The following EDIL3 variants were observed in gnomAD, a reference collection of about 807,000 sequenced individuals.
EDIL3 encodes the protein EGF like and discoidin domains 3.
EDIL3 carries 37 observed loss-of-function variants against 67.4 expected under a neutral mutation model. The observed-to-expected ratio is 0.55, with a 90% CI of 0.42 to 0.72. The LOEUF (loss-of-function observed/expected upper bound fraction) is 0.72, where lower values mean the gene tolerates loss of function less well. EDIL3 is among the 30% of genes least tolerant of loss of function. The probability of loss-of-function intolerance (pLI) is 0.00; values close to 1 mark genes in which losing one functional copy is unlikely to be tolerated. For missense variants in EDIL3, 527 were observed against 586.3 expected (o/e 0.90, Z 1.04); for synonymous variants, 195 against 196.3 (o/e 0.99, Z 0.05).
intron 1 of EDIL3, among the ~76,000 whole-genome samples, chr5:84,383,673 G>T (rs991989549): frequency 2.6e-5 from 4 of 152,166 alleles, no homozygotes; most frequent in African/African-American, 9.7e-5. Flanking sequence ...AGGAGAGGCG[G>T]GTTCCTGGGG....
intron 9 of EDIL3, among the ~76,000 whole-genome samples, chr5:84,019,433 A>G (rs1268527911): frequency 6.6e-6 from 1 of 152,254 alleles, no homozygotes; most frequent in Non-Finnish European, 1.5e-5. Flanking sequence ...TAGGAGATAT[A>G]TCTAATGCTA....
chr5:84,087,849 T>C (rs1376718782), intron 6 of EDIL3, among the ~76,000 whole-genome samples: 5 of 152,112 alleles, frequency 3.3e-5, no homozygotes, highest in Non-Finnish European at 7.3e-5. Context: ...TATACAGCAA[T>C]TGGCACATGG....
intron 10 of EDIL3, among the ~76,000 whole-genome samples, chr5:83,946,335 C>G (rs1284535996): frequency 6.6e-6 from 1 of 151,908 alleles, no homozygotes; most frequent in Non-Finnish European, 1.5e-5. Context: ...TATATTCAAA[C>G]ATGATATTGC....
At chr5:84,336,652 A>C (rs919372073) in intron 1 of EDIL3, among the ~76,000 whole-genome samples, 6 of 152,148 alleles carry the variant, frequency 3.9e-5, no homozygotes, top group African/African-American at 1.4e-4. Flanking sequence ...GTAATCCATA[A>C]TGAATTCAGG....
At chr5:84,289,287 GTGTT>G (rs1321488127) in intron 1 of EDIL3, among the ~76,000 whole-genome samples, 5 of 152,106 alleles carry the variant, frequency 3.3e-5, no homozygotes, top group East Asian at 1.9e-4. Flanking sequence ...AACAATAAGA[GTGTT>G]TGTTTAACTT....
At chr5:84,315,571 T>C (rs193076094) in intron 1 of EDIL3, among the ~76,000 whole-genome samples, 1 of 152,316 alleles carries the variant, frequency 6.6e-6, no homozygotes, top group African/African-American at 2.4e-5. Context: ...TAAAGGAATT[T>C]AATGTAATTA....
intron 1 of EDIL3, among the ~76,000 whole-genome samples, chr5:84,350,276 T>C (rs1332116400): frequency 6.6e-6 from 1 of 152,068 alleles, no homozygotes; most frequent in Non-Finnish European, 1.5e-5. Flanking sequence ...AACATTAATA[T>C]TTATTATGAA....
intron 1 of EDIL3, among the ~76,000 whole-genome samples, chr5:84,291,738 C>CTATT (rs1745925510): frequency 6.9e-6 from 1 of 144,246 alleles, no homozygotes. Context: ...ATAGATCTAT[C>CTATT]TATATAGATA....
At chr5:84,014,541 A>C (rs1745567070) in intron 9 of EDIL3, among the ~76,000 whole-genome samples, 1 of 152,152 alleles carries the variant, frequency 6.6e-6, no homozygotes, top group South Asian at 2.1e-4. Flanking sequence ...GCTACTTGGG[A>C]GGCTGAGGCA....
chr5:84,050,828 G>A (rs974798208), intron 9 of EDIL3, among the ~76,000 whole-genome samples: 1 of 152,172 alleles, frequency 6.6e-6, no homozygotes, highest in Admixed American at 6.5e-5. Context: ...GCTTGAACTG[G>A]GTGAAGCCCA....
intron 2 of EDIL3, among the ~76,000 whole-genome samples, chr5:84,243,071 A>ACG (rs765550964): frequency 1.3e-5 from 2 of 151,374 alleles, no homozygotes; most frequent in Non-Finnish European, 1.5e-5. Flanking sequence ...AGGTTATTTT[A>ACG]TGTGTGTGTG....
At chr5:84,281,871 T>C (rs1745710215) in intron 1 of EDIL3, among the ~76,000 whole-genome samples, 2 of 142,016 alleles carry the variant, frequency 1.4e-5, no homozygotes, top group African/African-American at 5.3e-5. Context: ...TTTTTTTTTT[T>C]TTTTTTTTTG....
At chr5:84,186,365 A>G (rs1365489202) in intron 3 of EDIL3, among the ~76,000 whole-genome samples, 1 of 152,094 alleles carries the variant, frequency 6.6e-6, no homozygotes, top group East Asian at 1.9e-4. Flanking sequence ...ACATTTATTC[A>G]TTAAGTACTC....
rs545041638 is a variant in EDIL3, at chr5:84,078,156, T to C, written c.652-11550A>G. Among the ~76,000 whole-genome samples, 4 of 152,164 alleles carry C rather than the reference T, an allele frequency of 2.6e-5. No homozygotes were observed. In the East Asian group the frequency reaches 7.7e-4, roughly 29 times the overall value. On this transcript the variant is annotated intron_variant, in intron 6 of 10. Coordinates refer to ENST00000296591, the MANE Select transcript of EDIL3 (RefSeq NM_005711.5). The stretch of plus-strand genomic sequence containing the variant: ...AACCCTATTTCTGGGTATTTTTCCC[T>C]GAAAAACTTTTGCATAAGTGCTCAA...
At chr5:84,286,924 C>A (rs1266458525) in intron 1 of EDIL3, among the ~76,000 whole-genome samples, 2 of 152,278 alleles carry the variant, frequency 1.3e-5, no homozygotes, top group Middle Eastern at 6.8e-3. Flanking sequence ...TTGGGCCAGA[C>A]ACAGTATCTC....
intron 2 of EDIL3, among the ~76,000 whole-genome samples, chr5:84,242,901 A>G (rs927869843): frequency 1.3e-5 from 2 of 152,096 alleles, no homozygotes; most frequent in Non-Finnish European, 2.9e-5. Flanking sequence ...ATTTGAACAC[A>G]AGCACTGCAG....
At chr5:84,183,887 C>T (rs1394823804) in intron 3 of EDIL3, among the ~76,000 whole-genome samples, 2 of 152,208 alleles carry the variant, frequency 1.3e-5, no homozygotes, top group Admixed American at 1.3e-4. Context: ...GGGTGGATAA[C>T]CTGAGGTCAA....
chr5:84,374,968 C>CTTTTTTTTTTTTTTTTTTTTTT (rs58157149), intron 1 of EDIL3, among the ~76,000 whole-genome samples: 1 of 141,790 alleles, frequency 7.1e-6, no homozygotes, highest in African/African-American at 2.6e-5. Context: ...TCGGGTATTT[C>CTTTTTTTTTTTTTTTTTTTTTT]TTTTTTTTTT....
chr5:84,051,740 G>A (rs891686893), intron 9 of EDIL3, among the ~76,000 whole-genome samples: 17 of 152,170 alleles, frequency 1.1e-4, no homozygotes, highest in African/African-American at 3.6e-4. Flanking sequence ...GAAATGAAGC[G>A]AGAAGAGAAG....
Sources: gnomAD v4.1 joint callset for allele counts (sites outside exome capture counted in the v4.1 genomes callset) on GRCh38, gnomAD v4.1.1 for gene constraint, MANE v1.5 for transcripts, NCBI Gene and HGNC (gene_info 2026-07-23, HGNC 2026-07-21) for gene names.